The following LCLAT1 variants were observed in gnomAD, a reference collection of about 807,000 sequenced individuals.
LCLAT1 encodes 1-AGP acyltransferase 8.
In LCLAT1, 11 loss-of-function variants were observed where a neutral mutation model predicts 30.7. The observed-to-expected ratio is 0.36, with a 90% CI of 0.23 to 0.59. The LOEUF is 0.59. LCLAT1 is among the 20% of genes least tolerant of loss of function. LCLAT1 has a pLI of 0.77. For synonymous variants in LCLAT1, 155 were observed against 151.3 expected, an observed-to-expected ratio of 1.02 and a Z score of -0.18; for missense variants, 402 against 458.6, an observed-to-expected ratio of 0.88 and a Z score of 1.13.
At chr2:30,594,318 C>T (rs577891877) in intron 5 of LCLAT1, among the ~76,000 whole-genome samples, 15 of 152,188 alleles carry the variant, frequency 9.9e-5, no homozygotes, top group African/African-American at 2.6e-4. Context: ...AATTTTCAAA[C>T]GTATAGCAAA....
At chr2:30,456,926 G>A (rs1023829811) in intron 1 of LCLAT1, among the ~76,000 whole-genome samples, 14 of 152,184 alleles carry the variant, frequency 9.2e-5, no homozygotes, top group Non-Finnish European at 1.9e-4. Context: ...CTTTATGGAA[G>A]AAAATACAGG....
intron 1 of LCLAT1, among the ~76,000 whole-genome samples, chr2:30,524,650 T>C (rs555093374): frequency 2.0e-5 from 3 of 152,366 alleles, no homozygotes; most frequent in Admixed American, 2.0e-4. Flanking sequence ...ATACAATATA[T>C]GCTATGCTAC....
rs951744733 is a variant in LCLAT1 at position 30,627,650 on chromosome 2, A to C, written c.629-12467A>C. On this transcript the variant is annotated intron_variant, in intron 5 of 5. Coordinates refer to ENST00000379509, the MANE Select transcript of LCLAT1 (RefSeq NM_001002257.3). ...TTATGGTAGAAATAGTGAAGCCTAC[A>C]CTATAATTTTATTATTTTTCAATTT... is the stretch of plus-strand genomic sequence containing the variant. Among the ~76,000 whole-genome samples, 5 of 152,248 alleles carry C rather than the reference A, an allele frequency of 3.3e-5. No individual in the cohort carries two copies. The East Asian group carries it at 7.7e-4, about 23-fold the overall frequency.
rs542753859 is a variant in LCLAT1, at chr2:30,506,257, CTGTT to C, written c.-4-19324_-4-19321del. Among the ~76,000 whole-genome samples, 17 of 152,044 alleles carry C rather than the reference CTGTT, an allele frequency of 1.1e-4. 1 individual carries two copies. The highest frequency in any genetic ancestry group is 1.0e-3 in the South Asian group (5 of 4,828). On this transcript the variant is annotated intron_variant, in intron 1 of 5. Transcript: ENST00000379509. ...GTGTAGTTTGTTCCTTTCCTGTTGT[CTGTT>C]TGTTTTTTCCAAACAGATAAAGGTT...
At chr2:30,451,781 T>A (rs917115323) in intron 1 of LCLAT1, among the ~76,000 whole-genome samples, 2 of 128,116 alleles carry the variant, frequency 1.6e-5, no homozygotes, top group Non-Finnish European at 3.3e-5. Context: ...CAGTTGTACA[T>A]CAGCAGTAGA....
intron 5 of LCLAT1, among the ~76,000 whole-genome samples, chr2:30,611,129 T>C (rs1435478212): frequency 1.3e-5 from 2 of 151,962 alleles, no homozygotes; most frequent in Non-Finnish European, 2.9e-5. Context: ...CATTAGCATT[T>C]TTCTTCTGGC....
intron 5 of LCLAT1, among the ~76,000 whole-genome samples, chr2:30,591,934 T>G: frequency 6.6e-6 from 1 of 152,202 alleles, no homozygotes; most frequent in East Asian, 1.9e-4. Flanking sequence ...CTATATCTTC[T>G]ACATTTTTAC....
chr2:30,490,065 ACTG>A (rs1375360723), intron 1 of LCLAT1, among the ~76,000 whole-genome samples: 1 of 152,134 alleles, frequency 6.6e-6, no homozygotes, highest in Non-Finnish European at 1.5e-5. Context: ...GTGTGTAGGT[ACTG>A]CTATTATCAC....
chr2:30,591,316 A>G (rs1249852591), intron 5 of LCLAT1, among the ~76,000 whole-genome samples: 1 of 152,164 alleles, frequency 6.6e-6, no homozygotes, highest in Non-Finnish European at 1.5e-5. Flanking sequence ...ACTTCTGTGT[A>G]AAGAGCTTAG....
At chr2:30,495,854 G>A (rs1257224249) in intron 1 of LCLAT1, among the ~76,000 whole-genome samples, 1 of 152,136 alleles carries the variant, frequency 6.6e-6, no homozygotes, top group African/African-American at 2.4e-5. Flanking sequence ...GATGAGGTAG[G>A]TGGTTATGTA....
chr2:30,628,935 A>T (rs1315481792), intron 5 of LCLAT1, among the ~76,000 whole-genome samples: 2 of 152,200 alleles, frequency 1.3e-5, no homozygotes, highest in African/African-American at 4.8e-5. Flanking sequence ...CATGAAGTCA[A>T]TTGATAGATA....
In LCLAT1 at chr2:30,448,444, A is replaced by T. The variant is rs150323031; in HGVS notation, c.-5+1061A>T. Among the ~76,000 whole-genome samples the T allele has an allele frequency of 2.0e-4, 30 of 152,366 alleles. No homozygotes were observed. The East Asian group carries it at 3.1e-3, about 16-fold the overall frequency. On this transcript the variant is annotated intron_variant, in intron 1 of 5. Coordinates refer to ENST00000379509, the MANE Select transcript of LCLAT1 (RefSeq NM_001002257.3). ...TGTACTTTGATATGCTTGATATGAC[A>T]GATAAGCATAATGTTAACTGACTTT...
intron 1 of LCLAT1, among the ~76,000 whole-genome samples, chr2:30,507,256 G>A (rs1684711307): frequency 6.6e-6 from 1 of 152,112 alleles, no homozygotes; most frequent in African/African-American, 2.4e-5. Flanking sequence ...TTCTAGTAGA[G>A]TATTTGATTA....
intron 4 of LCLAT1, among the ~76,000 whole-genome samples, chr2:30,563,541 G>T (rs948454328): frequency 6.6e-6 from 1 of 152,202 alleles, no homozygotes; most frequent in African/African-American, 2.4e-5. Context: ...GGATTCAGTG[G>T]ATCTTACAGC....
intron 5 of LCLAT1, among the ~76,000 whole-genome samples, chr2:30,592,310 G>C (rs1447705842): frequency 6.6e-6 from 1 of 152,062 alleles, no homozygotes; most frequent in Non-Finnish European, 1.5e-5. Flanking sequence ...GGGAGACCCT[G>C]TCTCTACAAA....
chr2:30,452,914 T>A (rs1681630786), intron 1 of LCLAT1, among the ~76,000 whole-genome samples: 1 of 151,976 alleles, frequency 6.6e-6, no homozygotes, highest in Non-Finnish European at 1.5e-5. Flanking sequence ...CTGTAAAAAC[T>A]CGGGAGGCAA....
rs1684198497 is a variant in LCLAT1 at position 30,497,935 on chromosome 2, A to G, written c.-4-27652A>G. ...CCTGGAATTTGCTACACAAATGTAA[A>G]GTTGTTTATTGGAAACCGTTCAGGA... On this transcript the variant is annotated intron_variant, in intron 1 of 5. Coordinates refer to ENST00000379509, the MANE Select transcript of LCLAT1 (RefSeq NM_001002257.3). 2.6e-5 allele frequency among the ~76,000 whole-genome samples: 4 copies of G among 152,272 alleles called. No individual in the cohort carries two copies. In the South Asian group the frequency reaches 8.3e-4, roughly 32 times the overall value.
chr2:30,634,848 T>C (rs1288920418), intron 5 of LCLAT1, among the ~76,000 whole-genome samples: 2 of 152,244 alleles, frequency 1.3e-5, no homozygotes, highest in Non-Finnish European at 2.9e-5. Context: ...ATCCATTTCA[T>C]TATTGTCAGT....
In LCLAT1 at chr2:30,558,388, T is replaced by C. The variant is rs113617617; in HGVS notation, c.365-3758T>C. ...GCCTAAGCAGGTGGATCACCTGAGG[T>C]CAGGAGTTTGAGACCAGCCTGGCCA... On this transcript the variant is annotated intron_variant, in intron 3 of 5. Transcript: ENST00000379509. 9.9e-3 allele frequency among the ~76,000 whole-genome samples: 1,500 copies of C among 152,016 alleles called. 31 individuals are homozygous for C. The highest frequency in any genetic ancestry group is 0.035 in the African/African-American group (1,442 of 41,462).
Sources: gnomAD v4.1 joint callset for allele counts (sites outside exome capture counted in the v4.1 genomes callset) on GRCh38, gnomAD v4.1.1 for gene constraint, MANE v1.5 for transcripts, NCBI Gene and HGNC (gene_info 2026-07-23, HGNC 2026-07-21) for gene names.